ZFHX3: variants seen among roughly 807,000 people sequenced by gnomAD.
ZFHX3 encodes zinc finger homeobox 3.
ZFHX3 carries 42 observed loss-of-function variants against 279.1 expected under a neutral mutation model. The ratio of observed to expected loss-of-function variants is 0.15; its 90% CI spans 0.12 to 0.19. The LOEUF (loss-of-function observed/expected upper bound fraction) is 0.19, where lower values mean the gene tolerates loss of function less well. Ranked by LOEUF, ZFHX3 falls within the 10% of genes least tolerant of loss-of-function variation. ZFHX3 has a pLI of 1.00. For missense variants in ZFHX3, 4,981 were observed against 4,754.0 expected, an observed-to-expected ratio of 1.05 and a Z score of -1.40; for synonymous variants, 2,293 against 1,957.8, an observed-to-expected ratio of 1.17 and a Z score of -4.52.
chr16:73,205,638 G>A (rs1007546921), intron 5 of ZFHX3, among the ~76,000 whole-genome samples: 4 of 152,192 alleles, frequency 2.6e-5, no homozygotes, highest in African/African-American at 9.7e-5. Context: ...GTGTGGCTGT[G>A]AGTGTGTGTG....
chr16:72,894,293 C>T (rs1452842507), intron 3 of ZFHX3, among the ~76,000 whole-genome samples: 1 of 152,160 alleles, frequency 6.6e-6, no homozygotes, highest in East Asian at 1.9e-4. Context: ...CCCAGATTTT[C>T]CAAGTGTCTC....
chr16:72,944,981 A>T (rs565907223), intron 3 of ZFHX3, among the ~76,000 whole-genome samples: 1 of 152,278 alleles, frequency 6.6e-6, no homozygotes, highest in Non-Finnish European at 1.5e-5. Context: ...CACAACTAAT[A>T]AGATTTCAGT....
At chr16:73,384,470 C>G (rs538951115) in intron 3 of ZFHX3, among the ~76,000 whole-genome samples, 7 of 152,340 alleles carry the variant, frequency 4.6e-5, no homozygotes, top group African/African-American at 1.7e-4. Context: ...TGGAGACACC[C>G]TTTGCGAAGC....
intron 3 of ZFHX3, among the ~76,000 whole-genome samples, chr16:73,347,233 G>T (rs2016140561): frequency 6.6e-6 from 1 of 152,206 alleles, no homozygotes; most frequent in African/African-American, 2.4e-5. Flanking sequence ...ACACAGCAGG[G>T]CCCACAATCA....
chr16:73,251,013 G>A (rs1426403638), intron 5 of ZFHX3, among the ~76,000 whole-genome samples: 1 of 151,894 alleles, frequency 6.6e-6, no homozygotes, highest in Non-Finnish European at 1.5e-5. Context: ...ATTTGTTTGG[G>A]TGACCAGCGA....
intron 2 of ZFHX3, among the ~76,000 whole-genome samples, chr16:73,545,793 T>TAA (rs5817852): frequency 5.0e-5 from 7 of 140,816 alleles, no homozygotes; most frequent in South Asian, 4.5e-4. Flanking sequence ...CTGCTGAAAT[T>TAA]AAAAAAAAAA....
At chr16:73,405,969 A>G (rs1352440772) in intron 3 of ZFHX3, among the ~76,000 whole-genome samples, 1 of 152,232 alleles carries the variant, frequency 6.6e-6, no homozygotes, top group Non-Finnish European at 1.5e-5. Context: ...CACACAAACA[A>G]TTCCTCCTAG....
At chr16:72,951,554 G>A (rs988809253) in intron 2 of ZFHX3, among the ~76,000 whole-genome samples, 11 of 152,122 alleles carry the variant, frequency 7.2e-5, no homozygotes, top group African/African-American at 9.7e-5. Context: ...GAGCCACCGC[G>A]CCCAGCCACC....
At chr16:73,118,194 A>G (rs1219113764) in intron 7 of ZFHX3, among the ~76,000 whole-genome samples, 1 of 152,054 alleles carries the variant, frequency 6.6e-6, no homozygotes, top group Admixed American at 6.6e-5. Flanking sequence ...AGAGGTCTTA[A>G]TTATTTTTTG....
At chr16:73,863,468 G>C (rs1961933980) in intron 1 of ZFHX3, among the ~76,000 whole-genome samples, 2 of 152,112 alleles carry the variant, frequency 1.3e-5, no homozygotes, top group Admixed American at 6.5e-5. Context: ...AGCCACCCTT[G>C]TGTCCAAAGG....
rs116637972 is a variant in ZFHX3 at position 73,385,483 on chromosome 16, T to C, written c.-1290-67147A>G. 7.3e-3 allele frequency among the ~76,000 whole-genome samples: 1,117 copies of C among 152,168 alleles called. 14 individuals are homozygous for C. The highest frequency in any genetic ancestry group is 0.024 in the African/African-American group (1,008 of 41,510). On this transcript the variant is annotated intron_variant, in intron 3 of 17. Coordinates refer to the ZFHX3 transcript ENST00000641206. ...CACTTATAGGCCCTGGCAGCTCCAA[T>C]CTCTCCAACTGCAACCAGCTCATGT...
intron 3 of ZFHX3, among the ~76,000 whole-genome samples, chr16:73,398,040 T>C (rs1482108596): frequency 6.6e-6 from 1 of 152,126 alleles, no homozygotes; most frequent in Non-Finnish European, 1.5e-5. Context: ...AGATGGGGTT[T>C]CACCACGCTG....
chr16:73,723,388 T>C (rs2053492627), intron 1 of ZFHX3, among the ~76,000 whole-genome samples: 1 of 152,210 alleles, frequency 6.6e-6, no homozygotes, highest in South Asian at 2.1e-4. Flanking sequence ...ATAATATGAA[T>C]GTATGAACAT....
intron 3 of ZFHX3, among the ~76,000 whole-genome samples, chr16:73,366,588 CAAAAAAA>C (rs61090242): frequency 2.3e-4 from 28 of 121,898 alleles, no homozygotes; most frequent in African/African-American, 8.0e-4. Context: ...AAACCAAAAC[CAAAAAAA>C]AAAAAAAAAA....
intron 5 of ZFHX3, among the ~76,000 whole-genome samples, chr16:73,211,437 C>T (rs1330824992): frequency 6.6e-6 from 1 of 151,966 alleles, no homozygotes; most frequent in East Asian, 1.9e-4. Context: ...ATAAATTTAT[C>T]CATTTTTTAA....
chr16:73,040,576 G>GAAATAGTT (rs1965074438), intron 1 of ZFHX3, among the ~76,000 whole-genome samples: 1 of 152,070 alleles, frequency 6.6e-6, no homozygotes, highest in African/African-American at 2.4e-5. Context: ...GTGGATGGGG[G>GAAATAGTT]ACACTGTAAC....
chr16:73,832,295 C>T (rs1961019675), intron 1 of ZFHX3, among the ~76,000 whole-genome samples: 1 of 151,828 alleles, frequency 6.6e-6, no homozygotes, highest in Admixed American at 6.6e-5. Flanking sequence ...GCTGAGGTTT[C>T]CCAGCCTCCT....
intron 3 of ZFHX3, among the ~76,000 whole-genome samples, chr16:73,448,685 C>CGTGTTT (rs1555517514): frequency 7.0e-6 from 1 of 142,090 alleles, no homozygotes; most frequent in Non-Finnish European, 1.5e-5. Flanking sequence ...TATTTATATA[C>CGTGTTT]GTGTGTGTGT....
intron 1 of ZFHX3, among the ~76,000 whole-genome samples, chr16:73,017,042 A>G (rs1446440642): frequency 1.3e-5 from 2 of 152,184 alleles, no homozygotes; most frequent in Admixed American, 1.3e-4. Flanking sequence ...ACTAGGCAAT[A>G]TGGCAAGACC....
Sources: allele counts gnomAD v4.1 joint callset (sites outside exome capture counted in the v4.1 genomes callset), GRCh38; gene constraint gnomAD v4.1.1; transcripts MANE v1.5; gene names NCBI Gene and HGNC (gene_info 2026-07-23, HGNC 2026-07-21).